Variants in KLHL13 observed in about 807,000 individuals in gnomAD.
The protein encoded by KLHL13 is kelch like family member 13.
KLHL13 carries 10 observed loss-of-function variants against 37.1 expected under a neutral mutation model. The observed-to-expected ratio is 0.27, with a 90% confidence interval of 0.17 to 0.46. The LOEUF (loss-of-function observed/expected upper bound fraction) is 0.46. Among genes scored for constraint, KLHL13 ranks in the 20% least tolerant of loss-of-function variants. The probability of loss-of-function intolerance (pLI) is 1.00; values close to 1 mark genes in which losing one functional copy is unlikely to be tolerated. For missense variants in KLHL13, 360 were observed against 509.3 expected (o/e 0.71, Z 2.82); for synonymous variants, 163 against 181.2 (o/e 0.90, Z 0.81).
chrX:118,024,902 T>C (rs994496102), intron 1 of KLHL13, among the ~76,000 whole-genome samples: 1 of 112,395 alleles, frequency 8.9e-6, no homozygotes, highest in Admixed American at 9.5e-5. Context: ...TGAGTGCATG[T>C]GGCCAAAATA....
intron 5 of KLHL13, among the ~76,000 whole-genome samples, chrX:117,903,163 G>C (rs867315597): frequency 0.043 from 4,380 of 100,918 alleles, 141 homozygotes; most frequent in Middle Eastern, 0.095. Context: ...CACACAGAGA[G>C]AGAGAGAGAG....
Position 118,064,101 on chromosome X carries a change from A to G in KLHL13, c.-56+52407T>C, listed in dbSNP as rs560067459. Among the ~76,000 whole-genome samples the G allele has an allele frequency of 2.9e-4, 32 of 111,731 alleles. No individual in the cohort carries two copies. The South Asian group carries it at 0.012, about 42-fold the overall frequency. On this transcript the variant is annotated intron_variant, in intron 1 of 6. Transcript: ENST00000371882. ...CACAGGTAAAATTCACAAATATTTG[A>G]AGGATAGTTTTTCCTCTATATCATC...
rs773791144 is a variant in KLHL13, at chrX:117,954,510, T to C, written c.99-8935A>G. Reference sequence around the variant, plus strand: ...TTCTATTTTCTGAATGAGATAATTATTTTATTTCTAATGAAGTAATTTAAA... The same window carrying C: ...TTCTATTTTCTGAATGAGATAATTACTTTATTTCTAATGAAGTAATTTAAA... On this transcript the variant is annotated intron_variant, in intron 1 of 6. Coordinates refer to ENST00000262820, the Ensembl canonical transcript of KLHL13. Among the ~76,000 whole-genome samples, 274 of 112,489 alleles carry C rather than the reference T, an allele frequency of 2.4e-3. 2 individuals carry two copies. The highest frequency in any genetic ancestry group is 2.8e-3 in the Non-Finnish European group (150 of 53,278).
At chrX:117,898,867 T>C (rs758054351) in exon 7 of KLHL13, 1 of 1,152,929 alleles carries the variant, frequency 8.7e-7, no homozygotes, top group Admixed American at 2.6e-5. Flanking sequence ...TATGACACAT[T>C]GCAAAGATAG....
intron 1 of KLHL13, among the ~76,000 whole-genome samples, chrX:118,113,677 C>A (rs759098171): frequency 1.7e-4 from 19 of 112,255 alleles, no homozygotes; most frequent in Non-Finnish European, 3.4e-4. Flanking sequence ...CCTTTTCTGA[C>A]TTCCCACACT....
chrX:118,035,965 C>G (rs1442257478), intron 1 of KLHL13, among the ~76,000 whole-genome samples: 1 of 100,064 alleles, frequency 1.0e-5, no homozygotes, highest in African/African-American at 4.3e-5. Context: ...AAACAGAGAG[C>G]CAAATCATGA....
chrX:118,051,395 G>C (rs2054611873), intron 1 of KLHL13, among the ~76,000 whole-genome samples: 1 of 108,764 alleles, frequency 9.2e-6, no homozygotes, highest in African/African-American at 3.4e-5. Flanking sequence ...AAAAAAATTG[G>C]CCGGGCGTGG....
At chrX:118,096,197 A>G (rs2055203947) in intron 1 of KLHL13, among the ~76,000 whole-genome samples, 1 of 111,771 alleles carries the variant, frequency 8.9e-6, no homozygotes, top group East Asian at 2.8e-4. Context: ...CTAATAAAGA[A>G]GAAAAGAGAG....
intron 1 of KLHL13, among the ~76,000 whole-genome samples, chrX:118,051,494 T>C (rs934542879): frequency 1.9e-4 from 21 of 110,298 alleles, no homozygotes; most frequent in African/African-American, 6.6e-5. Context: ...TGAGCCGAGA[T>C]TGCACCACTG....
At chrX:118,078,031 T>C (rs529315963) in intron 1 of KLHL13, among the ~76,000 whole-genome samples, 6 of 112,367 alleles carry the variant, frequency 5.3e-5, no homozygotes, top group South Asian at 3.6e-4. Context: ...CTTTCTGCAA[T>C]TGAATATCTG....
chrX:117,926,411 C>T (rs184234028), intron 2 of KLHL13, among the ~76,000 whole-genome samples: 1 of 111,013 alleles, frequency 9.0e-6, no homozygotes, highest in African/African-American at 3.3e-5. Context: ...AAACAGTCAC[C>T]CTCAAGGATT....
intron 6 of KLHL13, among the ~76,000 whole-genome samples, chrX:117,901,010 A>C (rs1277977363): frequency 1.8e-5 from 2 of 112,074 alleles, no homozygotes; most frequent in African/African-American, 6.5e-5. Context: ...TAGCCATTTC[A>C]GAATTTTTTA....
intron 1 of KLHL13, among the ~76,000 whole-genome samples, chrX:118,038,376 C>T (rs982600909): frequency 8.9e-6 from 1 of 111,934 alleles, no homozygotes; most frequent in Non-Finnish European, 1.9e-5. Flanking sequence ...GTTTTAACAT[C>T]AAATTAAGGA....
At chrX:117,973,091 T>A in exon 1 of KLHL13, 1 of 1,000,243 alleles carries the variant, frequency 1.0e-6, no homozygotes, top group Non-Finnish European at 1.3e-6. Context: ...TTGACTGCAG[T>A]ATATTTTTTT....
intron 1 of KLHL13, among the ~76,000 whole-genome samples, chrX:118,055,231 G>A (rs1202850986): frequency 8.9e-6 from 1 of 112,013 alleles, no homozygotes; most frequent in Non-Finnish European, 1.9e-5. Context: ...AATCTTCATA[G>A]CCACAGTAGA....
intron 1 of KLHL13, among the ~76,000 whole-genome samples, chrX:118,073,029 G>GC (rs1266658268): frequency 9.2e-6 from 1 of 109,223 alleles, no homozygotes; most frequent in Non-Finnish European, 1.9e-5. Context: ...TGGAGGTCAA[G>GC]GCTTCAGCGA....
At chrX:118,081,972 G>C (rs1384003583) in intron 1 of KLHL13, among the ~76,000 whole-genome samples, 1 of 108,925 alleles carries the variant, frequency 9.2e-6, no homozygotes, top group Non-Finnish European at 1.9e-5. Context: ...GTGTGTGTGT[G>C]TGTGTATACA....
At chrX:118,036,003 A>G (rs6646045) in intron 1 of KLHL13, among the ~76,000 whole-genome samples, 15 of 101,971 alleles carry the variant, frequency 1.5e-4, no homozygotes, top group African/African-American at 5.4e-4. Flanking sequence ...ACTGCTTCAA[A>G]GAGAATAAAA....
At chrX:118,072,774 T>C (rs185752803) in intron 1 of KLHL13, among the ~76,000 whole-genome samples, 56 of 112,088 alleles carry the variant, frequency 5.0e-4, no homozygotes, top group Non-Finnish European at 1.0e-3. Context: ...CTCTTCCTGA[T>C]GAATTGAAGC....
Sources: allele counts gnomAD v4.1 joint callset (sites outside exome capture counted in the v4.1 genomes callset), GRCh38; gene constraint gnomAD v4.1.1; transcripts MANE v1.5; gene names NCBI Gene and HGNC (gene_info 2026-07-23, HGNC 2026-07-21).